Variants in ZC3H6 observed in about 807,000 individuals in gnomAD.
ZC3H6 encodes zinc finger CCCH domain-containing protein 6.
A neutral mutation model predicts 107.7 loss-of-function variants in ZC3H6; 40 were observed. The ratio of observed to expected loss-of-function variants is 0.37; its 90% CI spans 0.29 to 0.48. The LOEUF is 0.48. Ranked by LOEUF, ZC3H6 falls within the 20% of genes least tolerant of loss-of-function variation. ZC3H6 has a pLI of 0.98. For synonymous variants in ZC3H6, 493 were observed against 487.9 expected (o/e 1.01, Z -0.14); for missense variants, 1,267 against 1,410.4 (o/e 0.90, Z 1.63).
At chr2:112,302,612 G>C (rs1255198457) in intron 2 of ZC3H6, among the ~76,000 whole-genome samples, 1 of 152,110 alleles carries the variant, frequency 6.6e-6, no homozygotes, top group African/African-American at 2.4e-5. Context: ...AGATGGAGGA[G>C]ATTTGGTCCC....
rs1470246583 is a variant in ZC3H6 at position 112,335,632 on chromosome 2, G to A, written c.*3144G>A. 1.3e-5 allele frequency: 2 copies of A among 152,092 alleles called. No individual in the cohort carries two copies. Among genetic ancestry groups the A allele is most frequent in the Non-Finnish European group, 2.9e-5 (2 of 68,012 alleles). 9.4% of individuals were successfully genotyped at this position (152,092 alleles called of 1,614,324 possible). ...TAAATATAAAATTGCTTTATAACTT[G>A]AATGAACATAATCATTATGCTCCCA... On this transcript the variant is annotated 3_prime_UTR_variant, in exon 12 of 12. Transcript: ENST00000409871.
intron 7 of ZC3H6, among the ~76,000 whole-genome samples, chr2:112,320,213 G>A (rs545972459): frequency 6.6e-6 from 1 of 152,288 alleles, no homozygotes; most frequent in Admixed American, 6.5e-5. Flanking sequence ...GATTATAGGC[G>A]TGAGCCACTG....
intron 11 of ZC3H6, among the ~76,000 whole-genome samples, chr2:112,329,945 G>A (rs1323373683): frequency 1.3e-5 from 2 of 152,086 alleles, no homozygotes; most frequent in African/African-American, 2.4e-5. Flanking sequence ...CGATAGGTAG[G>A]CTTCTTTAGG....
chr2:112,324,672 AC>A lies in ZC3H6; in HGVS notation c.1852+10del, dbSNP rs1357814344. ...ACCCAATAACTCTGGTGGTAAGTTT[AC>A]TTTTTTGAAATAATTTATTCCTAAT... On this transcript the variant is annotated intron_variant, in intron 10 of 11. Transcript: ENST00000409871. 1 of 1,521,254 alleles carries A rather than the reference AC, an allele frequency of 6.6e-7. No individual in the cohort carries two copies. Among genetic ancestry groups the A allele is most frequent in the Admixed American group, 2.0e-5 (1 of 49,010 alleles). The allele number at this position is 1,521,254 out of a possible 1,614,324, so 94.2% of individuals were successfully genotyped here.
At chr2:112,307,101 G>A (rs1369994512) in intron 3 of ZC3H6, among the ~76,000 whole-genome samples, 3 of 152,098 alleles carry the variant, frequency 2.0e-5, no homozygotes, top group African/African-American at 7.2e-5. Context: ...CTATTTACAA[G>A]AAGAGAAAGT....
At chr2:112,323,976 A>G (rs1432938500) in intron 9 of ZC3H6, among the ~76,000 whole-genome samples, 176 bp from the exon 10 acceptor site, 2 of 152,212 alleles carry the variant, frequency 1.3e-5, no homozygotes, top group Non-Finnish European at 2.9e-5. Flanking sequence ...AAATGAAAGC[A>G]TGAGGTCTAT....
chr2:112,286,745 G>A lies in ZC3H6; in HGVS notation c.32+10719G>A, dbSNP rs139340875. Reference sequence around the variant, plus strand: ...TGACACTGTGCCTGGACAGATTTTTGTTATACTGTTTAGATATGATGGTAA... The same window carrying A: ...TGACACTGTGCCTGGACAGATTTTTATTATACTGTTTAGATATGATGGTAA... On this transcript the variant is annotated intron_variant, in intron 1 of 11. Transcript: ENST00000409871. Among the ~76,000 whole-genome samples, 73 of 152,234 alleles carry A rather than the reference G, an allele frequency of 4.8e-4. No individual in the cohort carries two copies. In the East Asian group the frequency reaches 0.013, roughly 28 times the overall value.
intron 1 of ZC3H6, among the ~76,000 whole-genome samples, chr2:112,293,119 A>T (rs1174264062): frequency 6.6e-6 from 1 of 152,210 alleles, no homozygotes; most frequent in Non-Finnish European, 1.5e-5. Flanking sequence ...AGGAATTCTC[A>T]GTTATCTCTT....
At chr2:112,323,364 G>A (rs1676841765) in intron 9 of ZC3H6, among the ~76,000 whole-genome samples, 1 of 152,066 alleles carries the variant, frequency 6.6e-6, no homozygotes, top group African/African-American at 2.4e-5. Flanking sequence ...TGTGCACCTG[G>A]GCCCTAAGTC....
rs1676828245 is a variant in ZC3H6, at chr2:112,322,750, T to G, written c.1188T>G (p.Val396=). The change falls in exon 9 of 12, where the codon GTT becomes GTG. Residue 396 remains valine, a synonymous_variant. Coordinates refer to ENST00000409871, the MANE Select transcript of ZC3H6 (RefSeq NM_198581.3). ...CTCTTCCCAAACCACCTCCAGGGGTTGGGCTTCTGCCAACCCCTCCAGAGC... is the reference window on the plus strand; with the variant it reads ...CTCTTCCCAAACCACCTCCAGGGGTGGGGCTTCTGCCAACCCCTCCAGAGC... ...ITPLPKPPPG[V]GLLPTPPEHF... The G allele has an allele frequency of 6.2e-7, 1 of 1,613,914 alleles. No homozygotes were observed. The highest frequency in any genetic ancestry group is 8.5e-7 in the Non-Finnish European group (1 of 1,179,878).
At chr2:112,294,926 T>A (rs1332129782) in intron 1 of ZC3H6, among the ~76,000 whole-genome samples, 6 of 152,178 alleles carry the variant, frequency 3.9e-5, no homozygotes, top group Admixed American at 3.9e-4. Flanking sequence ...AACTATTTTT[T>A]AAAATAACAG....
At chr2:112,303,792 G>A (rs1676428040) in intron 3 of ZC3H6, among the ~76,000 whole-genome samples, 1 of 152,104 alleles carries the variant, frequency 6.6e-6, no homozygotes, top group South Asian at 2.1e-4. Context: ...TTCATCTGTT[G>A]ATGGACACGT....
intron 11 of ZC3H6, among the ~76,000 whole-genome samples, chr2:112,326,293 A>T (rs1010109384): frequency 4.6e-5 from 7 of 152,112 alleles, no homozygotes; most frequent in African/African-American, 1.7e-4. Context: ...TGTGCTATCA[A>T]ATACTAGGTC....
chr2:112,310,682 A>C (rs1676576194), intron 4 of ZC3H6, among the ~76,000 whole-genome samples: 1 of 152,238 alleles, frequency 6.6e-6, no homozygotes, highest in South Asian at 2.1e-4. Flanking sequence ...ACAAGTTGCC[A>C]GCTCTTGACA....
rs1677094081 is a variant in ZC3H6 at position 112,334,096 on chromosome 2, T to A, written c.*1608T>A. On this transcript the variant is annotated 3_prime_UTR_variant, in exon 12 of 12. Transcript: ENST00000409871. ...GAATGTGAATTTTTACCGTTTGTAC[T>A]TAAGATACATTTGTTGTCTAAAATG... 1 of 152,100 alleles carries A rather than the reference T, an allele frequency of 6.6e-6. No individual in the cohort carries two copies. The highest frequency in any genetic ancestry group is 1.5e-5 in the Non-Finnish European group (1 of 67,962). 9.4% of individuals were successfully genotyped at this position (152,100 alleles called of 1,614,324 possible).
intron 8 of ZC3H6, 134 bp downstream of exon 8, chr2:112,321,999 C>A (rs4507112): frequency 0.45 from 205,787 of 457,778 alleles, 51,580 homozygotes; most frequent in East Asian, 0.79. Flanking sequence ...TCTATTTGAG[C>A]AATATTCTTT....
Position 112,309,847 on chromosome 2 carries a change from T to G in ZC3H6, c.337-38T>G, listed in dbSNP as rs1352735477. On this transcript the variant is annotated intron_variant, in intron 3 of 11. Coordinates refer to ENST00000409871, the MANE Select transcript of ZC3H6 (RefSeq NM_198581.3). ...TGCTACTGTCAATTGCTATATATAA[T>G]TGAAAAATCCTGATAATGATTGTCC... 3 of 1,534,758 alleles carry G rather than the reference T, an allele frequency of 2.0e-6. No homozygotes were observed. The African/African-American group carries it at 4.2e-5, about 21-fold the overall frequency.
intron 1 of ZC3H6, among the ~76,000 whole-genome samples, chr2:112,285,571 TG>T (rs1345356072): frequency 2.0e-5 from 3 of 148,220 alleles, no homozygotes; most frequent in African/African-American, 7.4e-5. Flanking sequence ...TTGGCCAGGC[TG>T]GTCTCCAACT....
intron 1 of ZC3H6, among the ~76,000 whole-genome samples, chr2:112,292,630 A>G (rs945878309): frequency 7.3e-4 from 111 of 151,888 alleles, no homozygotes; most frequent in African/African-American, 2.6e-3. Flanking sequence ...AGGTTAGTCA[A>G]CCTTCCCTCC....
Sources: allele counts gnomAD v4.1 joint callset (sites outside exome capture counted in the v4.1 genomes callset), GRCh38; gene constraint gnomAD v4.1.1; transcripts MANE v1.5; gene names NCBI Gene and HGNC (gene_info 2026-07-23, HGNC 2026-07-21).